Variants in TGFB3 observed in about 807,000 individuals in gnomAD.
TGFB3 encodes transforming growth factor beta-3 proprotein.
In TGFB3, 5 loss-of-function variants were observed where a neutral mutation model predicts 40.1. The ratio of observed to expected loss-of-function variants is 0.12; its 90% CI spans 0.07 to 0.26. The LOEUF is 0.26. TGFB3 is among the 10% of genes least tolerant of loss of function. The pLI is 1.00. For missense variants in TGFB3, 373 were observed against 530.1 expected (o/e 0.70, Z 2.91); for synonymous variants, 184 against 205.6 (o/e 0.89, Z 0.90).
At chr14:75,972,154 G>C (rs2035301933) in intron 1 of TGFB3, among the ~76,000 whole-genome samples, 1 of 152,176 alleles carries the variant, frequency 6.6e-6, no homozygotes, top group South Asian at 2.1e-4. Context: ...AAGATGTATT[G>C]AGCAGCTACT....
chr14:75,966,719 CAT>C (rs1185317688), intron 3 of TGFB3: 2 of 152,142 alleles, frequency 1.3e-5, no homozygotes, highest in Non-Finnish European at 2.9e-5. Context: ...TGTGGGATCA[CAT>C]GTTTTGGCAA....
rs71122509 is a variant in TGFB3, at chr14:75,959,931, C to CTTTTTTTTT, written c.1081-595_1081-587dup. 5.0e-4 allele frequency among the ~76,000 whole-genome samples: 16 copies of CTTTTTTTTT among 32,016 alleles called. 5 individuals carry two copies. The highest frequency in any genetic ancestry group is 6.0e-4 in the Non-Finnish European group (11 of 18,420). 21.0% of individuals were successfully genotyped at this position (32,016 alleles called of 152,430 possible). ...CTACACTGATAACGAATTATCTTGG[C>CTTTTTTTTT]TTTTTTTTTTTTTTTTTTTTTTTTT... On this transcript the variant is annotated intron_variant, in intron 6 of 6. Transcript: ENST00000238682.
intron 4 of TGFB3, among the ~76,000 whole-genome samples, chr14:75,964,961 TC>T (rs2035204114): frequency 6.6e-6 from 1 of 152,166 alleles, no homozygotes; most frequent in African/African-American, 2.4e-5. Flanking sequence ...AAAGAGAACT[TC>T]CCTGAACTCC....
chr14:75,971,234 T>G lies in TGFB3; in HGVS notation c.538A>C (p.Ile180Leu), dbSNP rs2035287327. Residue 180 changes from isoleucine (I) to leucine (L), a missense_variant, in exon 3 of 7, where the codon ATT (isoleucine) becomes CTT (leucine). Coordinates refer to ENST00000238682, the MANE Select transcript of TGFB3 (RefSeq NM_003239.5). The surrounding 1 kb of genome is among the most constrained non-coding windows in gnomAD (Gnocchi z 4.5). ...CCACCGATATAGCGCTGTTTGGCAA[T>G]GTGCTCATCTGGCCGAAGGATCTAC... ...LFQILRPDEH[I>L]AKQRYIGGKN... 1 of 1,614,136 alleles carries G rather than the reference T, an allele frequency of 6.2e-7. No individual in the cohort carries two copies. Among genetic ancestry groups the G allele is most frequent in the Non-Finnish European group, 8.5e-7 (1 of 1,180,016 alleles).
chr14:75,969,194 CT>C (rs1316340445), intron 3 of TGFB3, among the ~76,000 whole-genome samples: 1 of 152,202 alleles, frequency 6.6e-6, no homozygotes, highest in Admixed American at 6.5e-5. Context: ...AGCTTTAACT[CT>C]TAGTTGCCTA....
chr14:75,982,282 G>A (rs929805223), upstream of TGFB3, among the ~76,000 whole-genome samples: 2 of 152,090 alleles, frequency 1.3e-5, no homozygotes, highest in African/African-American at 2.4e-5. This position sits in a 1 kb window ranked among gnomAD's most constrained non-coding sequence, Gnocchi z 4.0. Flanking sequence ...CCCCAGCCCC[G>A]GCGCCCTCTC....
At chr14:75,964,651 G>A (rs1348123772) in intron 4 of TGFB3, among the ~76,000 whole-genome samples, 1 of 152,158 alleles carries the variant, frequency 6.6e-6, no homozygotes, top group African/African-American at 2.4e-5. Flanking sequence ...TAAGATAAAT[G>A]AGAGACCTGG....
In TGFB3 at chr14:75,971,822, T is replaced by A; in HGVS notation, c.353-104A>T. ...AGTGGCCACCGTCCCGCCTGCCACC[T>A]CCCTAGAGGCTTGAGGCCTCAGACC... is the stretch of plus-strand genomic sequence containing the variant. On this transcript the variant is annotated intron_variant, in intron 1 of 6. Transcript: ENST00000238682. The surrounding 1 kb of genome is among the most constrained non-coding windows in gnomAD (Gnocchi z 4.5). 2 of 1,346,804 alleles carry A rather than the reference T, an allele frequency of 1.5e-6. No homozygotes were observed. Among genetic ancestry groups the A allele is most frequent in the Non-Finnish European group, 1.0e-6 (1 of 961,486 alleles). The allele number at this position is 1,346,804 out of a possible 1,614,324, so 83.4% of individuals were successfully genotyped here.
In TGFB3 at chr14:75,959,420, AG is replaced by A. The variant is rs1362181615; in HGVS notation, c.1081-76del. On this transcript the variant is annotated intron_variant, in intron 6 of 6. Transcript: ENST00000238682. ...GGAACCCAGGAAGTCGCCCAGTTCCAGGGGCAGTCCCAGAAGCTGAGCAAGT... is the reference window on the plus strand; with the variant it reads ...GGAACCCAGGAAGTCGCCCAGTTCCAGGGCAGTCCCAGAAGCTGAGCAAGT... The A allele has an allele frequency of 3.7e-5, 58 of 1,581,432 alleles. 1 individual carries two copies. The Admixed American group carries it at 9.6e-4, about 26-fold the overall frequency.
rs983801488 is a variant in TGFB3, at chr14:75,978,904, C to T, written c.352+1638G>A. On this transcript the variant is annotated intron_variant, in intron 1 of 6. Coordinates refer to ENST00000238682, the MANE Select transcript of TGFB3 (RefSeq NM_003239.5). This position sits in a 1 kb window ranked among gnomAD's most constrained non-coding sequence, Gnocchi z 5.0. ...GAAGGTCTGAGTCCTGCCCTCTTGC[C>T]CTGGACTCTCCTCACACCTCTCCTG... 2.0e-5 allele frequency among the ~76,000 whole-genome samples: 3 copies of T among 152,162 alleles called. No homozygotes were observed. The highest frequency in any genetic ancestry group is 7.2e-5 in the African/African-American group (3 of 41,440).
rs138840538 is a variant in TGFB3 at position 75,980,551 on chromosome 14, C to T, written c.343G>A (p.Ala115Thr). Residue 115 changes from alanine to threonine, a missense_variant, in exon 1 of 7, where the codon GCG becomes ACG. By Grantham distance (58) the Ala-to-Thr change is moderately conservative. Transcript: ENST00000238682. This position sits in a 1 kb window ranked among gnomAD's most constrained non-coding sequence, Gnocchi z 4.3. ...IHKFDMIQGL[A>T]EHNELAVCPK... ...GAGAATTTGGACTTACTGTGCTCCG[C>T]CAGCCCCTGGATCATGTCGAATTTA... 7 of 1,614,118 alleles carry T rather than the reference C, an allele frequency of 4.3e-6. No homozygotes were observed. In the African/African-American group the frequency reaches 8.0e-5, roughly 18 times the overall value.
rs2035292281 is a variant in TGFB3 at position 75,971,547 on chromosome 14, G to T, written c.516+8C>A. On this transcript the variant is annotated splice_region_variant and intron_variant, in intron 2 of 6. Transcript: ENST00000238682. This position sits in a 1 kb window ranked among gnomAD's most constrained non-coding sequence, Gnocchi z 4.5. The stretch of plus-strand genomic sequence containing the variant: ...TCGGTGTGGTTTCTGCTCTGAGAGA[G>T]GAGTTACCTGGAAGAGCTCGATCCT... 6.2e-7 allele frequency: 1 copy of T among 1,614,062 alleles called. No individual in the cohort carries two copies. The highest frequency in any genetic ancestry group is 1.3e-5 in the African/African-American group (1 of 75,056).
rs2035422720 is a variant in TGFB3 at position 75,980,947 on chromosome 14, C to T, written c.-54G>A. On this transcript the variant is annotated 5_prime_UTR_variant, in exon 1 of 7. Transcript: ENST00000238682. This position sits in a 1 kb window ranked among gnomAD's most constrained non-coding sequence, Gnocchi z 4.3. The stretch of plus-strand genomic sequence containing the variant: ...ACGGCAAGGCCTGGAGAGGAAGAGA[C>T]CCCAGCAGACGTGCAGAAGGAGGGA... The T allele has an allele frequency of 1.3e-6, 2 of 1,535,458 alleles. No individual in the cohort carries two copies. The highest frequency in any genetic ancestry group is 9.0e-7 in the Non-Finnish European group (1 of 1,112,212).
At position 75,980,727 on chromosome 14, in the gene TGFB3, G is replaced by A. The variant is rs773670363; in HGVS notation, c.167C>T (p.Pro56Leu). ...QILSKLRLTSPPEPTVMTHVP... is the reference protein window; with the variant it reads ...QILSKLRLTSLPEPTVMTHVP... Reference sequence around the variant, plus strand: ...GTGGGTCATCACCGTTGGCTCAGGGGGGCTGGTGAGCCTGAGCTTGCTCAA... The same window carrying A: ...GTGGGTCATCACCGTTGGCTCAGGGAGGCTGGTGAGCCTGAGCTTGCTCAA... Residue 56 changes from proline to leucine, a missense_variant, in exon 1 of 7, where the codon CCC (proline) becomes CTC (leucine). Pro to Leu is a moderately conservative substitution (Grantham distance 98, BLOSUM62 -3). Transcript: ENST00000238682. The surrounding 1 kb of genome is among the most constrained non-coding windows in gnomAD (Gnocchi z 4.3). The A allele has an allele frequency of 1.9e-6, 3 of 1,614,166 alleles. No individual in the cohort carries two copies. Among genetic ancestry groups the A allele is most frequent in the South Asian group, 1.1e-5 (1 of 91,082 alleles).
At chr14:75,960,818 G>T in intron 6 of TGFB3, 105 bp downstream of exon 6, 1 of 1,498,752 alleles carries the variant, frequency 6.7e-7, no homozygotes, top group South Asian at 1.2e-5. Context: ...ACTCACCCCA[G>T]ACCATCATTT....
Position 75,971,527 on chromosome 14 carries a change from GT to G in TGFB3, c.516+27del. 6.2e-7 allele frequency: 1 copy of G among 1,613,660 alleles called. No individual in the cohort carries two copies. Among genetic ancestry groups the G allele is most frequent in the Non-Finnish European group, 8.5e-7 (1 of 1,179,846 alleles). ...CAAAGGAACCAGCTTTCCCGTCGGT[GT>G]GGTTTCTGCTCTGAGAGAGGAGTTA... On this transcript the variant is annotated intron_variant, in intron 2 of 6. Coordinates refer to ENST00000238682, the MANE Select transcript of TGFB3 (RefSeq NM_003239.5). This position sits in a 1 kb window ranked among gnomAD's most constrained non-coding sequence, Gnocchi z 4.5.
intron 1 of TGFB3, among the ~76,000 whole-genome samples, chr14:75,974,779 A>AG (rs1555361014): frequency 2.5e-4 from 37 of 148,430 alleles, no homozygotes; most frequent in South Asian, 1.1e-3. Flanking sequence ...AAAAAAAAAA[A>AG]AAGAAGAAGA....
intron 5 of TGFB3, among the ~76,000 whole-genome samples, chr14:75,962,108 A>C (rs1406915562): frequency 1.3e-5 from 2 of 152,136 alleles, no homozygotes; most frequent in East Asian, 3.9e-4. Flanking sequence ...AAAAGCCAAC[A>C]TACTAAGCAT....
In TGFB3 at chr14:75,978,816, TG is replaced by T. The variant is rs766374070; in HGVS notation, c.352+1725del. ...TCATTCTCAGCTCAGGATTCCGGGA[TG>T]GGGGGGTCCTGGTGACTCAGAATGC... is the stretch of plus-strand genomic sequence containing the variant. On this transcript the variant is annotated intron_variant, in intron 1 of 6. Coordinates refer to ENST00000238682, the MANE Select transcript of TGFB3 (RefSeq NM_003239.5). The surrounding 1 kb of genome is among the most constrained non-coding windows in gnomAD (Gnocchi z 5.0). Among the ~76,000 whole-genome samples the T allele has an allele frequency of 1.3e-5, 2 of 152,134 alleles. No individual in the cohort carries two copies. The highest frequency in any genetic ancestry group is 2.4e-5 in the African/African-American group (1 of 41,424).
Sources: allele counts gnomAD v4.1 joint callset (sites outside exome capture counted in the v4.1 genomes callset), GRCh38; gene constraint gnomAD v4.1.1; non-coding constraint Gnocchi (gnomAD v3.1); transcripts MANE v1.5; gene names NCBI Gene and HGNC (gene_info 2026-07-23, HGNC 2026-07-21).